The following ERI1 variants were observed in gnomAD, a reference collection of about 807,000 sequenced individuals.
ERI1 encodes the protein exoribonuclease 1, also known as 3'-5' exoribonuclease 1.
In ERI1, 39 loss-of-function variants were observed where a neutral mutation model predicts 39.7. The observed-to-expected ratio is 0.98, with a 90% CI of 0.76 to 1.28. The LOEUF is 1.28. Ranked by LOEUF, ERI1 falls within the 50% of genes most tolerant of loss-of-function variation. The pLI, the probability that ERI1 is intolerant of heterozygous loss-of-function variation, is 0.00. For synonymous variants in ERI1, 204 were observed against 149.6 expected (o/e 1.36, Z -2.65); for missense variants, 581 against 416.9 (o/e 1.39, Z -3.43).
intron 3 of ERI1, among the ~76,000 whole-genome samples, chr8:9,054,825 G>A (rs565499784): frequency 5.4e-4 from 83 of 152,368 alleles, no homozygotes; most frequent in African/African-American, 2.0e-3. Flanking sequence ...CTAGTCAGGA[G>A]GCTGAGACAG....
At chr8:9,061,142 G>C (rs906236458) in intron 3 of ERI1, among the ~76,000 whole-genome samples, 1 of 152,194 alleles carries the variant, frequency 6.6e-6, no homozygotes, top group African/African-American at 2.4e-5. Flanking sequence ...CTATAGCATA[G>C]CCTGCCTTTG....
At chr8:9,073,659 TCTTCTGGTATGAAATAATTATATG>T (rs1296544726) in intron 3 of ERI1, among the ~76,000 whole-genome samples, 4 of 152,202 alleles carry the variant, frequency 2.6e-5, no homozygotes, top group African/African-American at 4.8e-5. Flanking sequence ...AAAATTATAT[TCTTCTGGTATGAAATAATTATATG>T]CTTCTGGTAT....
chr8:9,008,130 A>T lies in ERI1; in HGVS notation c.269A>T (p.Glu90Val), dbSNP rs767684507. 6.3e-7 allele frequency: 1 copy of T among 1,591,272 alleles called. No individual in the cohort carries two copies. The highest frequency in any genetic ancestry group is 8.5e-7 in the Non-Finnish European group (1 of 1,171,490). Residue 90 changes from glutamate to valine, a missense_variant, in exon 2 of 7, where the codon GAA (glutamate) becomes GTA (valine). Transcript: ENST00000250263. Reference sequence around the variant, plus strand: ...GAAGAACTCAGAGCTAAGCTTTCAGAATTCAAGCTTGAAACTAGGTAATTA... The same window carrying T: ...GAAGAACTCAGAGCTAAGCTTTCAGTATTCAAGCTTGAAACTAGGTAATTA... ...SKEELRAKLS[E>V]FKLETRGVKD...
intron 3 of ERI1, among the ~76,000 whole-genome samples, chr8:9,085,884 G>C (rs529636729): frequency 1.3e-5 from 2 of 152,262 alleles, no homozygotes; most frequent in East Asian, 3.9e-4. Context: ...GTTAATGGCA[G>C]TCTCCATGCT....
chr8:9,083,667 C>T lies in ERI1; in HGVS notation n.300-32681C>T, dbSNP rs564002416. Among the ~76,000 whole-genome samples the T allele has an allele frequency of 7.2e-5, 11 of 151,726 alleles. No individual in the cohort carries two copies. The South Asian group carries it at 1.9e-3, about 26-fold the overall frequency. On this transcript the variant is annotated intron_variant and non_coding_transcript_variant, in intron 3 of 3. Transcript: ENST00000518663. Reference sequence around the variant, plus strand: ...AAAAAAGCGGGGGGGAAGAATACTGCTTCATGCTTGGCACAGTGGTTCATG... The same window carrying T: ...AAAAAAGCGGGGGGGAAGAATACTGTTTCATGCTTGGCACAGTGGTTCATG...
intron 3 of ERI1, among the ~76,000 whole-genome samples, chr8:9,039,316 T>A (rs181242256): frequency 8.7e-4 from 132 of 152,292 alleles, no homozygotes; most frequent in African/African-American, 3.0e-3. Flanking sequence ...AGCTACAGAT[T>A]TAGTCATTCA....
At position 9,040,842 on chromosome 8, in the gene ERI1, C is replaced by G. The variant is rs577829950; in HGVS notation, n.299+20378C>G. Among the ~76,000 whole-genome samples the G allele has an allele frequency of 8.5e-4, 129 of 152,226 alleles. 1 individual carries two copies. The highest frequency in any genetic ancestry group is 3.0e-3 in the African/African-American group (125 of 41,516). ...AGGAGAGTGGAGCACAAACCTGCCCCTGCCTCATTGTCAAGAAGCCTCTCC... is the reference window on the plus strand; with the variant it reads ...AGGAGAGTGGAGCACAAACCTGCCCGTGCCTCATTGTCAAGAAGCCTCTCC... On this transcript the variant is annotated intron_variant and non_coding_transcript_variant, in intron 3 of 3. Transcript: ENST00000518663.
chr8:9,022,824 A>C (rs1473212796), intron 6 of ERI1, among the ~76,000 whole-genome samples: 3 of 152,192 alleles, frequency 2.0e-5, no homozygotes, highest in Non-Finnish European at 2.9e-5. Context: ...CAACAATTAG[A>C]AACTCATGGC....
chr8:9,095,672 C>T (rs1799854484), intron 3 of ERI1, among the ~76,000 whole-genome samples: 1 of 152,032 alleles, frequency 6.6e-6, no homozygotes, highest in African/African-American at 2.4e-5. Context: ...AGGCACATGC[C>T]ACCATGCCGA....
chr8:9,051,945 G>C (rs1216372401), intron 3 of ERI1, among the ~76,000 whole-genome samples: 1 of 152,238 alleles, frequency 6.6e-6, no homozygotes, highest in African/African-American at 2.4e-5. Flanking sequence ...TAAGGATTGA[G>C]AGCCCAGGCT....
intron 3 of ERI1, among the ~76,000 whole-genome samples, chr8:9,055,603 G>A (rs1373222210): frequency 2.0e-5 from 3 of 152,120 alleles, no homozygotes; most frequent in Admixed American, 6.5e-5. Flanking sequence ...GCAGTGGTGC[G>A]ATCTCGGCTC....
At chr8:9,091,671 G>T (rs1267056510) in intron 3 of ERI1, among the ~76,000 whole-genome samples, 1 of 152,140 alleles carries the variant, frequency 6.6e-6, no homozygotes, top group South Asian at 2.1e-4. Context: ...TTAGGTCAAG[G>T]TCTAATGTTA....
At chr8:9,020,853 C>T (rs909209360) in intron 6 of ERI1, among the ~76,000 whole-genome samples, 1 of 152,168 alleles carries the variant, frequency 6.6e-6, no homozygotes, top group African/African-American at 2.4e-5. Context: ...TCTGCCATAG[C>T]CTTCACCAGA....
chr8:9,026,555 CAG>C (rs1797173733), intron 6 of ERI1, among the ~76,000 whole-genome samples: 1 of 152,162 alleles, frequency 6.6e-6, no homozygotes, highest in Non-Finnish European at 1.5e-5. Context: ...TATCATGTGT[CAG>C]AATTCTACCT....
intron 1 of ERI1, chr8:9,004,206 CAA>C (rs980850935): frequency 4.7e-6 from 6 of 1,283,248 alleles, no homozygotes; most frequent in Non-Finnish European, 6.1e-6. Context: ...GTTGTTATTT[CAA>C]AGAGTACTTG....
At chr8:9,022,599 C>G (rs1818032403) in intron 6 of ERI1, among the ~76,000 whole-genome samples, 1 of 152,040 alleles carries the variant, frequency 6.6e-6, no homozygotes. Flanking sequence ...GGGGTTTCGC[C>G]ATGTTGGTGA....
intron 3 of ERI1, chr8:9,072,592 C>T (rs1799086663): frequency 6.6e-6 from 1 of 152,068 alleles, no homozygotes. Flanking sequence ...CTGTCCCCTC[C>T]AGCCCTCAGA....
At position 9,020,362 on chromosome 8, in the gene ERI1, G is replaced by A; in HGVS notation, c.705G>A (p.Met235Ile). Residue 235 changes from methionine (M) to isoleucine (I), a missense_variant, in exon 6 of 7, where the codon ATG (methionine) becomes ATA (isoleucine). Transcript: ENST00000250263. ...YSLLTDGSWD[M>I]SKFLNIQCQL... The stretch of plus-strand genomic sequence containing the variant: ...TTTTAATTTATAGTTCTTGGGATAT[G>A]AGTAAGTTCTTGAACATTCAGTGTC... The A allele has an allele frequency of 6.3e-7, 1 of 1,580,682 alleles. No homozygotes were observed. The highest frequency in any genetic ancestry group is 1.4e-5 in the African/African-American group (1 of 73,416).
At chr8:9,006,151 C>G (rs1815997159) in intron 1 of ERI1, among the ~76,000 whole-genome samples, 1 of 152,160 alleles carries the variant, frequency 6.6e-6, no homozygotes, top group African/African-American at 2.4e-5. Flanking sequence ...TTAGTATTTT[C>G]TTTCTGCTCC....
Sources: gnomAD v4.1 joint callset for allele counts (sites outside exome capture counted in the v4.1 genomes callset) on GRCh38, gnomAD v4.1.1 for gene constraint, MANE v1.5 for transcripts, NCBI Gene and HGNC (gene_info 2026-07-23, HGNC 2026-07-21) for gene names.